Variants in REV3L observed in about 807,000 individuals in gnomAD.
The protein encoded by REV3L is REV3 like, DNA directed polymerase zeta catalytic subunit.
Under a neutral mutation model 299.4 loss-of-function variants are expected in REV3L, and 69 were observed. The ratio of observed to expected loss-of-function variants is 0.23; its 90% CI spans 0.19 to 0.28. The LOEUF (loss-of-function observed/expected upper bound fraction) is 0.28. Ranked by LOEUF, REV3L falls within the 10% of genes least tolerant of loss-of-function variation. The pLI is 1.00. For synonymous variants in REV3L, 1,238 were observed against 1,271.4 expected, an observed-to-expected ratio of 0.97 and a Z score of 0.56; for missense variants, 3,128 against 3,693.8, an observed-to-expected ratio of 0.85 and a Z score of 3.97.
intron 31 of REV3L, among the ~76,000 whole-genome samples, chr6:111,303,167 T>TTC (rs1224574274): frequency 8.5e-6 from 1 of 117,420 alleles, no homozygotes; most frequent in African/African-American, 3.7e-5. Flanking sequence ...TTTTCTTTCT[T>TTC]TTTTTTTTTT....
intron 17 of REV3L, among the ~76,000 whole-genome samples, chr6:111,358,580 G>C (rs1046909834): frequency 2.0e-5 from 3 of 152,090 alleles, no homozygotes; most frequent in African/African-American, 7.2e-5. Context: ...CTGTTGCCCA[G>C]CCTCCCAGGT....
chr6:111,306,169 G>C (rs1379869448), intron 31 of REV3L, among the ~76,000 whole-genome samples: 2 of 152,164 alleles, frequency 1.3e-5, no homozygotes, highest in Admixed American at 1.3e-4. Flanking sequence ...AAGCAGAGGA[G>C]ATTATGGCAG....
rs1008126749 is a variant in REV3L at position 111,430,671 on chromosome 6, A to C, written c.140-14199T>G. On this transcript the variant is annotated intron_variant, in intron 1 of 31. Transcript: ENST00000368802. ...AAGAGAGAGGACTCTGGAGATGCCA[A>C]AGCACACGCCTTCAAGAGTCCCAGC... 9.8e-6 allele frequency: 15 copies of C among 1,522,886 alleles called. No homozygotes were observed. The African/African-American group carries it at 1.5e-4, about 15-fold the overall frequency. The allele number at this position is 1,522,886 out of a possible 1,614,324, so 94.3% of individuals were successfully genotyped here.
At chr6:111,473,591 T>A (rs1014200874) in intron 1 of REV3L, among the ~76,000 whole-genome samples, 2 of 151,792 alleles carry the variant, frequency 1.3e-5, no homozygotes, top group African/African-American at 4.8e-5. Context: ...TACTATAATC[T>A]ATTCTAGATT....
intron 11 of REV3L, among the ~76,000 whole-genome samples, chr6:111,379,309 G>A (rs1451034700): frequency 6.6e-6 from 1 of 152,162 alleles, no homozygotes; most frequent in Non-Finnish European, 1.5e-5. Flanking sequence ...ATGGCTTTGG[G>A]TTGGAAATTT....
intron 20 of REV3L, among the ~76,000 whole-genome samples, chr6:111,345,534 G>C (rs1278978280): frequency 6.6e-6 from 1 of 151,974 alleles, no homozygotes; most frequent in Non-Finnish European, 1.5e-5. Flanking sequence ...TAATGATTTT[G>C]TCCTCCATCC....
chr6:111,465,745 C>CAAA (rs376561912), intron 1 of REV3L, among the ~76,000 whole-genome samples: 27,882 of 75,934 alleles, frequency 0.37, 4,174 homozygotes, highest in East Asian at 0.63. Flanking sequence ...AAACAAAAAC[C>CAAA]AAAAAAAAAA....
intron 4 of REV3L, among the ~76,000 whole-genome samples, chr6:111,400,031 G>A (rs1782928379): frequency 6.6e-6 from 1 of 151,972 alleles, no homozygotes; most frequent in Non-Finnish European, 1.5e-5. Flanking sequence ...TATCCTTTTC[G>A]GTCTGGCTTC....
chr6:111,447,110 T>A (rs924220672), intron 1 of REV3L, among the ~76,000 whole-genome samples: 10 of 152,148 alleles, frequency 6.6e-5, no homozygotes, highest in African/African-American at 2.4e-4. Flanking sequence ...CCAAAATATA[T>A]CAGTCTTTAT....
chr6:111,447,705 G>GT (rs1479535220), intron 1 of REV3L, among the ~76,000 whole-genome samples: 2 of 152,182 alleles, frequency 1.3e-5, no homozygotes, highest in East Asian at 3.8e-4. Flanking sequence ...ATCCAATAAA[G>GT]TTTTACTTAG....
At chr6:111,401,891 G>A (rs1269572695) in intron 4 of REV3L, among the ~76,000 whole-genome samples, 3 of 151,938 alleles carry the variant, frequency 2.0e-5, no homozygotes, top group African/African-American at 4.8e-5. Context: ...TGGGTGGATC[G>A]CTTAAGCCTA....
intron 1 of REV3L, among the ~76,000 whole-genome samples, chr6:111,482,419 G>A (rs899243540): frequency 2.6e-5 from 4 of 152,148 alleles, no homozygotes; most frequent in African/African-American, 9.7e-5. Context: ...CACCTGGCCC[G>A]CCGTCCGGGG....
chr6:111,302,108 G>A (rs993887989), intron 31 of REV3L, among the ~76,000 whole-genome samples: 4 of 152,160 alleles, frequency 2.6e-5, no homozygotes, highest in East Asian at 3.8e-4. Context: ...CCAGTTAACC[G>A]AAGGGCACAC....
At chr6:111,337,419 T>C (rs536867771) in intron 21 of REV3L, among the ~76,000 whole-genome samples, 19 of 152,162 alleles carry the variant, frequency 1.2e-4, no homozygotes, top group Non-Finnish European at 2.8e-4. Context: ...GAGCGTGCTA[T>C]TGTATAATGA....
chr6:111,366,975 ACTTT>A, intron 14 of REV3L, 136 bp downstream of exon 14: 1 of 608,058 alleles, frequency 1.6e-6, no homozygotes, highest in Non-Finnish European at 2.7e-6. Flanking sequence ...CCATGTGACG[ACTTT>A]CTAAGACATG....
At chr6:111,315,410 A>C (rs950855153) in intron 26 of REV3L, 29 bp from the exon 27 acceptor site, 1 of 1,576,176 alleles carries the variant, frequency 6.3e-7, no homozygotes, top group African/African-American at 1.4e-5. Flanking sequence ...AAGTAAGGTA[A>C]TGAGGAAGTC....
intron 13 of REV3L, among the ~76,000 whole-genome samples, chr6:111,371,907 G>C (rs923063101): frequency 1.3e-5 from 2 of 151,952 alleles, no homozygotes; most frequent in Non-Finnish European, 2.9e-5. Context: ...GCCTGGGCTG[G>C]TCGCAAACTC....
At chr6:111,314,386 T>C (rs1172594630) in intron 27 of REV3L, among the ~76,000 whole-genome samples, 1 of 152,182 alleles carries the variant, frequency 6.6e-6, no homozygotes, top group East Asian at 1.9e-4. Context: ...GCCTGGGTCA[T>C]ACAAAACAAA....
intron 4 of REV3L, among the ~76,000 whole-genome samples, chr6:111,397,811 C>A (rs1218477636): frequency 6.6e-6 from 1 of 151,852 alleles, no homozygotes; most frequent in Admixed American, 6.6e-5. Context: ...TGATTTTTAT[C>A]TTTTTTGTAA....
Sources: allele counts gnomAD v4.1 joint callset (sites outside exome capture counted in the v4.1 genomes callset), GRCh38; gene constraint gnomAD v4.1.1; transcripts MANE v1.5; gene names NCBI Gene and HGNC (gene_info 2026-07-23, HGNC 2026-07-21).